The following ADGRA2 variants were observed in gnomAD, a reference collection of about 807,000 sequenced individuals.
ADGRA2 encodes adhesion G protein-coupled receptor A2, also known as G-protein coupled receptor 124.
A neutral mutation model predicts 98.7 loss-of-function variants in ADGRA2; 61 were observed. The ratio of observed to expected loss-of-function variants is 0.62; its 90% CI spans 0.50 to 0.76. The LOEUF is 0.76. Among genes scored for constraint, ADGRA2 ranks in the 30% least tolerant of loss-of-function variants. The pLI is 0.00. For synonymous variants in ADGRA2, 858 were observed against 831.5 expected, an observed-to-expected ratio of 1.03 and a Z score of -0.55; for missense variants, 1,712 against 1,860.0, an observed-to-expected ratio of 0.92 and a Z score of 1.46.
chr8:37,806,601 C>T (rs1054396014), intron 1 of ADGRA2, among the ~76,000 whole-genome samples: 2 of 143,720 alleles, frequency 1.4e-5, no homozygotes, highest in African/African-American at 2.7e-5. Context: ...ACGATCTTGG[C>T]TCTCTGCAAC....
At position 37,830,629 on chromosome 8, in the gene ADGRA2, C is replaced by CCCACA; in HGVS notation, c.719-81_719-80insCCACA. ...CCGAGGGCCCCGCCCCGCCCCACCC[C>CCCACA]ATCCTGCTGGACTCTCGCTCACACG... On this transcript the variant is annotated intron_variant, in intron 6 of 18. Transcript: ENST00000412232. This position sits in a 1 kb window ranked among gnomAD's most constrained non-coding sequence, Gnocchi z 4.8. The CCCACA allele has an allele frequency of 4.2e-6, 3 of 714,566 alleles. No homozygotes were observed. The highest frequency in any genetic ancestry group is 2.8e-5 in the East Asian group (1 of 36,228). 44.3% of individuals were successfully genotyped at this position (714,566 alleles called of 1,614,324 possible).
rs1020511159 is a variant in ADGRA2, at chr8:37,829,964, C to A, written c.668C>A (p.Ala223Asp). 3.1e-6 allele frequency: 5 copies of A among 1,607,276 alleles called. No homozygotes were observed. The highest frequency in any genetic ancestry group is 4.2e-6 in the Non-Finnish European group (5 of 1,178,774). The part of the protein sequence containing the change: ...SEHTLCAYPS[A>D]LHAQALGSLQ... ...CACACGCTCTGTGCTTACCCCAGTG[C>A]CCTGCATGCTCAGGCCCTGGGCAGC... Residue 223 changes from alanine to aspartate, a missense_variant, in exon 6 of 19, where the codon GCC (alanine) becomes GAC (aspartate). Ala to Asp is a moderately radical substitution (Grantham distance 126). Transcript: ENST00000412232.
chr8:37,835,360 G>C lies in ADGRA2; in HGVS notation c.1795G>C (p.Gly599Arg). The C allele has an allele frequency of 6.2e-7, 1 of 1,612,560 alleles. No individual in the cohort carries two copies. The highest frequency in any genetic ancestry group is 1.3e-5 in the African/African-American group (1 of 75,000). ...GCAGCTCCGCTTCCGCTGCACCACC[G>C]GGAGGCCCAATGTTTCTCTGTCGTC... ...DQQLRFRCTT[G>R]RPNVSLSSFH... is the part of the protein sequence containing the mutation. The change falls in exon 12 of 19, where the codon GGG (glycine) becomes CGG (arginine). Residue 599 changes from glycine to arginine, a missense_variant. By Grantham distance (125) the Gly-to-Arg change is moderately radical. Coordinates refer to ENST00000412232, the MANE Select transcript of ADGRA2 (RefSeq NM_032777.10).
At chr8:37,819,774 G>A (rs1805081153) in intron 2 of ADGRA2, among the ~76,000 whole-genome samples, 1 of 152,116 alleles carries the variant, frequency 6.6e-6, no homozygotes, top group Admixed American at 6.6e-5. Flanking sequence ...AGGTTCAAGT[G>A]ATTCTCCTGC....
rs1804531956 is a variant in ADGRA2 at position 37,802,304 on chromosome 8, G to C, written c.266+4770G>C. Among the ~76,000 whole-genome samples, 1 of 152,190 alleles carries C rather than the reference G, an allele frequency of 6.6e-6. No homozygotes were observed. Among genetic ancestry groups the C allele is most frequent in the Non-Finnish European group, 1.5e-5 (1 of 68,042 alleles). ...AGGGCAGGACAAGGATGCTGGTGGA[G>C]GGGCGGGCCCAGGCCGGCGCCTCCA... On this transcript the variant is annotated intron_variant, in intron 1 of 18. Transcript: ENST00000412232. The surrounding 1 kb of genome is among the most constrained non-coding windows in gnomAD (Gnocchi z 4.7).
Position 37,837,906 on chromosome 8 carries a change from C to T in ADGRA2, c.2226C>T (p.His742=). 1 of 1,470,974 alleles carries T rather than the reference C, an allele frequency of 6.8e-7. No individual in the cohort carries two copies. Among genetic ancestry groups the T allele is most frequent in the Non-Finnish European group, 9.0e-7 (1 of 1,110,062 alleles). 91.1% of individuals were successfully genotyped at this position (1,470,974 alleles called of 1,614,324 possible). A position where few individuals can be genotyped will look rare whatever the true frequency, so the allele number is the denominator to read the frequency against. The change falls in exon 14 of 19, where the codon CAC becomes CAT. Residue 742 remains histidine (H), a synonymous_variant. Transcript: ENST00000412232. ...GCCAGCCCAATGTCAGCGCCCTGCA[C>T]TGCCAGCACTTGGGCAATGTGGCCG... ...RSSQPNVSAL[H]CQHLGNVAVL...
chr8:37,837,674 A>G, intron 13 of ADGRA2, 57 bp from the exon 14 acceptor site: 1 of 1,427,686 alleles, frequency 7.0e-7, no homozygotes, highest in Non-Finnish European at 9.6e-7. Context: ...GTCCCGGCTG[A>G]GCCCACCTCC....
intron 2 of ADGRA2, among the ~76,000 whole-genome samples, chr8:37,825,020 C>G (rs1805228343): frequency 6.6e-6 from 1 of 152,186 alleles, no homozygotes; most frequent in African/African-American, 2.4e-5. Flanking sequence ...CCCTCCACAT[C>G]TGGCTTAGGG....
chr8:37,844,840 G>T lies in ADGRA2; in HGVS notation c.*2485G>T. The T allele has an allele frequency of 6.2e-7, 1 of 1,614,086 alleles. No individual in the cohort carries two copies. The highest frequency in any genetic ancestry group is 2.2e-5 in the East Asian group (1 of 44,872). The stretch of plus-strand genomic sequence containing the variant: ...AAGGCAGAGCGGACCAGTGACTGGC[G>T]GTGCTGGAGAAGGTCACCGATGTGC... On this transcript the variant is annotated 3_prime_UTR_variant, in exon 19 of 19. Coordinates refer to ENST00000412232, the MANE Select transcript of ADGRA2 (RefSeq NM_032777.10).
At position 37,834,933 on chromosome 8, in the gene ADGRA2, G is replaced by A. The variant is rs1805562123; in HGVS notation, c.1609-241G>A. ...CCAGATACTCAGGAGGCTGAGGTGG[G>A]AGGATTACTTGAGCCCAGGATTTGT... On this transcript the variant is annotated intron_variant, in intron 11 of 18. Coordinates refer to ENST00000412232, the MANE Select transcript of ADGRA2 (RefSeq NM_032777.10). The surrounding 1 kb of genome is among the most constrained non-coding windows in gnomAD (Gnocchi z 4.2). Among the ~76,000 whole-genome samples the A allele has an allele frequency of 6.6e-6, 1 of 152,070 alleles. No homozygotes were observed.
intron 2 of ADGRA2, among the ~76,000 whole-genome samples, chr8:37,818,795 C>G (rs1804913829): frequency 6.6e-6 from 1 of 152,172 alleles, no homozygotes. Flanking sequence ...AAAAACAAGG[C>G]AGGGTAAGGA....
intron 2 of ADGRA2, among the ~76,000 whole-genome samples, chr8:37,825,867 C>T (rs1037682940): frequency 6.6e-6 from 1 of 152,166 alleles, no homozygotes. Context: ...CTCCCAAGGG[C>T]ACTCGTGGGG....
At chr8:37,832,957 G>T (rs936679221) in intron 8 of ADGRA2, 53 bp from the exon 9 acceptor site, 1 of 1,377,514 alleles carries the variant, frequency 7.3e-7, no homozygotes. Context: ...CGGGAGAAGG[G>T]CTGTTGTTCT....
intron 2 of ADGRA2, among the ~76,000 whole-genome samples, chr8:37,817,883 GGTGGGTGCCT>G (rs2129960872): frequency 6.6e-6 from 1 of 152,284 alleles, no homozygotes; most frequent in Non-Finnish European, 1.5e-5. Context: ...CGGGTGTGGT[GGTGGGTGCCT>G]GTAATCTCAG....
Position 37,830,106 on chromosome 8 carries a change from G to GT in ADGRA2, c.718+97dup. The GT allele has an allele frequency of 2.4e-6, 2 of 824,284 alleles. No individual in the cohort carries two copies. Among genetic ancestry groups the GT allele is most frequent in the Non-Finnish European group, 3.6e-6 (2 of 552,350 alleles). The allele number at this position is 824,284 out of a possible 1,614,324, so 51.1% of individuals were successfully genotyped here. ...CACGAGCCTCCCCTCAGACCCACAG[G>GT]TTTTTACCTTTGTATTGCAATTTGC... On this transcript the variant is annotated intron_variant, in intron 6 of 18. Transcript: ENST00000412232. The surrounding 1 kb of genome is among the most constrained non-coding windows in gnomAD (Gnocchi z 4.8).
At chr8:37,800,446 CTCTA>C (rs1360564009) in intron 1 of ADGRA2, among the ~76,000 whole-genome samples, 4 of 152,220 alleles carry the variant, frequency 2.6e-5, no homozygotes, top group Admixed American at 2.6e-4. Flanking sequence ...TCTTCTCCCG[CTCTA>C]TCTTGGTTAT....
At chr8:37,831,674 T>C (rs1805459221) in intron 8 of ADGRA2, 87 bp downstream of exon 8, 3 of 1,188,838 alleles carry the variant, frequency 2.5e-6, no homozygotes, top group Admixed American at 3.8e-5. Flanking sequence ...AGTTTCCCCA[T>C]CCGCTGTCTC....
At chr8:37,806,766 G>A (rs1034272517) in intron 1 of ADGRA2, among the ~76,000 whole-genome samples, 1 of 152,016 alleles carries the variant, frequency 6.6e-6, no homozygotes, top group East Asian at 1.9e-4. Flanking sequence ...CTGACCTCAA[G>A]TGATCCATCC....
chr8:37,841,559 G>C lies in ADGRA2; in HGVS notation c.3221G>C (p.Arg1074Thr). ...FVFTHHCARR[R>T]DVRASWRACC... is the part of the protein sequence containing the mutation. ...TTCACTCACCACTGTGCCAGGCGGAGGGACGTGAGAGCCTCGTGGCGCGCC... is the reference window on the plus strand; with the variant it reads ...TTCACTCACCACTGTGCCAGGCGGACGGACGTGAGAGCCTCGTGGCGCGCC... Residue 1074 changes from arginine to threonine, a missense_variant, in exon 19 of 19, where the codon AGG becomes ACG. Transcript: ENST00000412232. This position sits in a 1 kb window ranked among gnomAD's most constrained non-coding sequence, Gnocchi z 5.0. The C allele has an allele frequency of 1.2e-6, 2 of 1,610,134 alleles. No individual in the cohort carries two copies. Among genetic ancestry groups the C allele is most frequent in the South Asian group, 1.1e-5 (1 of 90,588 alleles).
Sources: gnomAD v4.1 joint callset for allele counts (sites outside exome capture counted in the v4.1 genomes callset) on GRCh38, gnomAD v4.1.1 for gene constraint, Gnocchi (gnomAD v3.1) non-coding constraint, MANE v1.5 for transcripts, NCBI Gene and HGNC (gene_info 2026-07-23, HGNC 2026-07-21) for gene names.